Variants in SETD7 observed in about 807,000 individuals in gnomAD.
SETD7 encodes the protein SET domain containing 7, histone lysine methyltransferase.
In SETD7, 16 loss-of-function variants were observed where a neutral mutation model predicts 41.8. That is an observed-to-expected ratio of 0.38 (90% CI 0.26 to 0.58). The LOEUF is 0.58. Among genes scored for constraint, SETD7 ranks in the 20% least tolerant of loss-of-function variants. The pLI is 0.64. For synonymous variants in SETD7, 163 were observed against 169.7 expected, an observed-to-expected ratio of 0.96 and a Z score of 0.31; for missense variants, 346 against 459.7, an observed-to-expected ratio of 0.75 and a Z score of 2.26.
intron 7 of SETD7, among the ~76,000 whole-genome samples, chr4:139,500,216 C>A (rs1423832573): frequency 6.6e-6 from 1 of 152,124 alleles, no homozygotes; most frequent in Non-Finnish European, 1.5e-5. Flanking sequence ...CATATCTCAG[C>A]ACATTCTACT....
In SETD7 at chr4:139,529,021, T is replaced by A; in HGVS notation, c.562+10A>T. 1 of 1,612,514 alleles carries A rather than the reference T, an allele frequency of 6.2e-7. No homozygotes were observed. Among genetic ancestry groups the A allele is most frequent in the South Asian group, 1.1e-5 (1 of 90,884 alleles). On this transcript the variant is annotated intron_variant, in intron 4 of 7. Transcript: ENST00000274031. ...ATTGGAGCAACCCATCTGAAGCAGA[T>A]TCAACTTACTTCCAGGCATCAGTTC...
intron 3 of SETD7, among the ~76,000 whole-genome samples, chr4:139,529,926 C>T (rs2111147787): frequency 6.6e-6 from 1 of 152,280 alleles, no homozygotes; most frequent in South Asian, 2.1e-4. Context: ...TTTCCTGCTC[C>T]CTCTTGCCTC....
intron 6 of SETD7, among the ~76,000 whole-genome samples, 195 bp downstream of exon 6, chr4:139,520,082 T>C (rs1727136921): frequency 6.6e-6 from 1 of 152,144 alleles, no homozygotes; most frequent in Non-Finnish European, 1.5e-5. Context: ...CCCCACTCTC[T>C]ATAAAATAGC....
At position 139,511,699 on chromosome 4, in the gene SETD7, C is replaced by T. The variant is rs560193779; in HGVS notation, c.1065G>A (p.Val355=). The T allele has an allele frequency of 2.5e-6, 4 of 1,613,674 alleles. No homozygotes were observed. Among genetic ancestry groups the T allele is most frequent in the East Asian group, 2.2e-5 (1 of 44,886 alleles). Residue 355 remains valine (V), a synonymous_variant, in exon 8 of 8, where the codon GTG becomes GTA. Coordinates refer to ENST00000274031, the MANE Select transcript of SETD7 (RefSeq NM_030648.4). Reference sequence around the variant, plus strand: ...GGGTGGCCTGGAAGGCCTTCAGCTCCACCTGGTACCACTCAGGGGCTTCAG... The same window carrying T: ...GGGTGGCCTGGAAGGCCTTCAGCTCTACCTGGTACCACTCAGGGGCTTCAG... ...SGPEAPEWYQ[V]ELKAFQATQQ... is the part of the protein sequence containing the mutation.
intron 2 of SETD7, among the ~76,000 whole-genome samples, chr4:139,539,071 G>A (rs577247204): frequency 2.4e-4 from 36 of 152,240 alleles, no homozygotes; most frequent in African/African-American, 8.4e-4. Context: ...TCCTGTTAGT[G>A]TTTGAATATA....
chr4:139,544,027 C>T (rs537161687), intron 2 of SETD7, among the ~76,000 whole-genome samples: 16 of 152,112 alleles, frequency 1.1e-4, no homozygotes, highest in South Asian at 2.1e-4. Context: ...CAATGGCTCA[C>T]GCCTGTAACC....
chr4:139,515,944 C>T (rs1438178468), intron 7 of SETD7, among the ~76,000 whole-genome samples: 1 of 152,170 alleles, frequency 6.6e-6, no homozygotes, highest in African/African-American at 2.4e-5. Flanking sequence ...TCAGGCCAAG[C>T]TAAGGAGAGC....
intron 7 of SETD7, among the ~76,000 whole-genome samples, chr4:139,517,403 A>G (rs2111130011): frequency 6.8e-6 from 1 of 146,552 alleles, no homozygotes; most frequent in Admixed American, 6.8e-5. Context: ...TGAACCTGGG[A>G]GGCAGAGGTT....
At chr4:139,497,570 A>G (rs1011298079) in intron 7 of SETD7, among the ~76,000 whole-genome samples, 2 of 151,702 alleles carry the variant, frequency 1.3e-5, no homozygotes, top group Non-Finnish European at 1.5e-5. Context: ...CTGAGTTTTC[A>G]TGTTTTTTTT....
intron 1 of SETD7, among the ~76,000 whole-genome samples, chr4:139,547,504 T>C (rs996688663): frequency 3.3e-5 from 5 of 152,234 alleles, no homozygotes; most frequent in African/African-American, 1.2e-4. Flanking sequence ...ACACAGTCTT[T>C]GGAATAAATT....
intron 4 of SETD7, among the ~76,000 whole-genome samples, chr4:139,525,964 A>AT (rs1294235586): frequency 6.6e-6 from 1 of 152,098 alleles, no homozygotes; most frequent in East Asian, 1.9e-4. Flanking sequence ...TTGCCAATAA[A>AT]TCCCCCCTTT....
chr4:139,527,730 AC>A (rs1727371059), intron 4 of SETD7, among the ~76,000 whole-genome samples: 1 of 152,212 alleles, frequency 6.6e-6, no homozygotes, highest in Non-Finnish European at 1.5e-5. Flanking sequence ...AAATTAAGAA[AC>A]CAACACAGAT....
intron 2 of SETD7, among the ~76,000 whole-genome samples, chr4:139,544,349 C>T (rs955576935): frequency 7.0e-6 from 1 of 142,422 alleles, no homozygotes; most frequent in Admixed American, 7.0e-5. Context: ...ATGGTGAATT[C>T]GTGCCTCAAA....
chr4:139,517,851 T>C (rs766432226), intron 7 of SETD7, 34 bp downstream of exon 7: 6 of 1,592,440 alleles, frequency 3.8e-6, no homozygotes, highest in Admixed American at 1.7e-5. Context: ...CCCTGAGGCA[T>C]AGATCCGCCC....
intron 7 of SETD7, among the ~76,000 whole-genome samples, chr4:139,500,929 C>T (rs1192213950): frequency 6.6e-6 from 1 of 152,174 alleles, no homozygotes; most frequent in Non-Finnish European, 1.5e-5. Flanking sequence ...CTGCGCTTCC[C>T]TGAGCATTCC....
chr4:139,551,577 G>A (rs1334928361), intron 1 of SETD7, among the ~76,000 whole-genome samples: 4 of 152,066 alleles, frequency 2.6e-5, no homozygotes, highest in African/African-American at 9.7e-5. Flanking sequence ...TCTCAGCAAA[G>A]TAAATTCCCT....
Position 139,509,692 on chromosome 4 carries a change from A to G in SETD7, c.*1971T>C. On this transcript the variant is annotated 3_prime_UTR_variant, in exon 8 of 8. Transcript: ENST00000274031. The stretch of plus-strand genomic sequence containing the variant: ...CCTTTGGGCACATTTAAATTAAAGC[A>G]CCTATCAGAATGCAAGTCCAGAGGC... The G allele has an allele frequency of 1.0e-6, 1 of 985,362 alleles. No individual in the cohort carries two copies. Among genetic ancestry groups the G allele is most frequent in the South Asian group, 4.7e-5 (1 of 21,294 alleles). The allele number at this position is 985,362 out of a possible 1,614,324, so 61.0% of individuals were successfully genotyped here.
chr4:139,499,561 T>C (rs1311801237), intron 7 of SETD7, among the ~76,000 whole-genome samples: 1 of 152,058 alleles, frequency 6.6e-6, no homozygotes. Flanking sequence ...AGACCCCCCC[T>C]CCCAGGAACT....
At chr4:139,521,848 T>G (rs921239643) in intron 5 of SETD7, among the ~76,000 whole-genome samples, 2 of 152,250 alleles carry the variant, frequency 1.3e-5, no homozygotes, top group African/African-American at 4.8e-5. Context: ...TGTTGCTCCC[T>G]GTTTCTCTTG....
Sources: gnomAD v4.1 joint callset for allele counts (sites outside exome capture counted in the v4.1 genomes callset) on GRCh38, gnomAD v4.1.1 for gene constraint, MANE v1.5 for transcripts, NCBI Gene and HGNC (gene_info 2026-07-23, HGNC 2026-07-21) for gene names.